The following KCNIP4 variants were observed in gnomAD, a reference collection of about 807,000 sequenced individuals.
KCNIP4 encodes potassium voltage-gated channel interacting protein 4.
In KCNIP4, 12 loss-of-function variants were observed where a neutral mutation model predicts 34.0. The observed-to-expected ratio is 0.35, with a 90% CI of 0.23 to 0.57. The LOEUF (loss-of-function observed/expected upper bound fraction) is 0.57. Among genes scored for constraint, KCNIP4 ranks in the 20% least tolerant of loss-of-function variants. KCNIP4 has a pLI of 0.83. For missense variants in KCNIP4, 238 were observed against 311.7 expected, an observed-to-expected ratio of 0.76 and a Z score of 1.78; for synonymous variants, 124 against 102.2, an observed-to-expected ratio of 1.21 and a Z score of -1.29.
At chr4:20,796,914 AAAC>A (rs1253944212) in intron 3 of KCNIP4, among the ~76,000 whole-genome samples, 9 of 152,234 alleles carry the variant, frequency 5.9e-5, no homozygotes, top group African/African-American at 2.2e-4. Context: ...ATTCTAAAAT[AAAC>A]AACAGTTACT....
chr4:21,244,109 T>C (rs1333915073), intron 1 of KCNIP4, among the ~76,000 whole-genome samples: 1 of 152,222 alleles, frequency 6.6e-6, no homozygotes, highest in African/African-American at 2.4e-5. Context: ...ATTTTTACTA[T>C]CATTCATTTT....
intron 1 of KCNIP4, among the ~76,000 whole-genome samples, chr4:21,341,329 T>C (rs914885936): frequency 1.3e-5 from 2 of 152,124 alleles, no homozygotes; most frequent in Non-Finnish European, 2.9e-5. Flanking sequence ...TGGTTCTAAA[T>C]GACAAATTGA....
At chr4:21,528,168 C>A (rs1436036732) in intron 1 of KCNIP4, among the ~76,000 whole-genome samples, 1 of 152,092 alleles carries the variant, frequency 6.6e-6, no homozygotes, top group African/African-American at 2.4e-5. Flanking sequence ...GATTCCAGAT[C>A]GATGCTTTTT....
intron 1 of KCNIP4, among the ~76,000 whole-genome samples, chr4:21,479,947 T>C (rs938111455): frequency 4.0e-5 from 6 of 151,614 alleles, no homozygotes; most frequent in Non-Finnish European, 2.9e-5. Flanking sequence ...CCAAGATAAA[T>C]AATATTAGGA....
At chr4:21,463,076 T>C (rs1729613065) in intron 1 of KCNIP4, among the ~76,000 whole-genome samples, 1 of 152,036 alleles carries the variant, frequency 6.6e-6, no homozygotes, top group Admixed American at 6.6e-5. Context: ...GTTTTAATTT[T>C]TTGAGAAATC....
At chr4:21,267,944 C>T (rs1379897903) in intron 1 of KCNIP4, among the ~76,000 whole-genome samples, 1 of 151,608 alleles carries the variant, frequency 6.6e-6, no homozygotes, top group African/African-American at 2.4e-5. Context: ...CTCCTTGTAC[C>T]TCTGGTAGAA....
intron 1 of KCNIP4, among the ~76,000 whole-genome samples, chr4:21,463,609 G>A (rs901038481): frequency 1.7e-4 from 26 of 151,894 alleles, no homozygotes; most frequent in Non-Finnish European, 3.5e-4. Context: ...GCCAGTGTTT[G>A]CTAGTATTTT....
intron 1 of KCNIP4, among the ~76,000 whole-genome samples, chr4:21,752,443 C>T (rs1717213134): frequency 6.6e-6 from 1 of 152,000 alleles, no homozygotes; most frequent in Non-Finnish European, 1.5e-5. Context: ...CACTTCACTA[C>T]CAGGAGAACA....
chr4:21,421,903 A>T (rs1208538163), intron 1 of KCNIP4, among the ~76,000 whole-genome samples: 1 of 152,122 alleles, frequency 6.6e-6, no homozygotes, highest in Non-Finnish European at 1.5e-5. Flanking sequence ...ACCTACTGAA[A>T]CTGTCATTTC....
intron 1 of KCNIP4, among the ~76,000 whole-genome samples, chr4:21,264,392 C>T (rs775752828): frequency 3.3e-5 from 5 of 152,088 alleles, no homozygotes; most frequent in African/African-American, 4.8e-5. Context: ...AGAAAGGGTC[C>T]TTACAACACT....
intron 1 of KCNIP4, among the ~76,000 whole-genome samples, chr4:21,185,746 T>C (rs370931742): frequency 1.3e-5 from 2 of 152,228 alleles, no homozygotes; most frequent in East Asian, 3.8e-4. Context: ...CAGTTCATTT[T>C]CTTTATTTGA....
chr4:21,688,683 A>G (rs1751001946), intron 1 of KCNIP4, among the ~76,000 whole-genome samples: 1 of 152,128 alleles, frequency 6.6e-6, no homozygotes, highest in Non-Finnish European at 1.5e-5. Context: ...AAAGCCATGG[A>G]AATTTGCTCC....
chr4:21,387,798 A>C (rs1157174553), intron 1 of KCNIP4, among the ~76,000 whole-genome samples: 1 of 152,188 alleles, frequency 6.6e-6, no homozygotes, highest in Non-Finnish European at 1.5e-5. Flanking sequence ...AATAATGTCT[A>C]TCAAAGGCAT....
intron 1 of KCNIP4, among the ~76,000 whole-genome samples, chr4:21,797,552 G>C (rs1042129326): frequency 6.6e-6 from 1 of 151,892 alleles, no homozygotes; most frequent in African/African-American, 2.4e-5. Flanking sequence ...CTTATAAAAA[G>C]GTCTCAATTT....
chr4:21,081,118 T>C (rs1745968060), intron 1 of KCNIP4, among the ~76,000 whole-genome samples: 1 of 151,794 alleles, frequency 6.6e-6, no homozygotes, highest in Non-Finnish European at 1.5e-5. Context: ...AGAGGCATGA[T>C]ATACTGTGGG....
intron 1 of KCNIP4, among the ~76,000 whole-genome samples, chr4:21,821,476 C>T (rs12501059): frequency 0.37 from 55,695 of 151,972 alleles, 11,658 homozygotes; most frequent in East Asian, 0.65. Flanking sequence ...AAATGTTACC[C>T]GCAGTTGAAA....
At position 21,134,864 on chromosome 4, in the gene KCNIP4, C is replaced by T. The variant is rs140666175; in HGVS notation, c.62-252155G>A. ...GAGCTCCATGATGCATAGCCTTCGGCCATAAACACAGCTAGGAAATGAGGG... is the reference window on the plus strand; with the variant it reads ...GAGCTCCATGATGCATAGCCTTCGGTCATAAACACAGCTAGGAAATGAGGG... On this transcript the variant is annotated intron_variant, in intron 1 of 8. Coordinates refer to ENST00000382152, the MANE Select transcript of KCNIP4 (RefSeq NM_025221.6). Among the ~76,000 whole-genome samples, 311 of 152,304 alleles carry T rather than the reference C, an allele frequency of 2.0e-3. 3 individuals are homozygous for T. Among genetic ancestry groups the T allele is most frequent in the African/African-American group, 6.8e-3 (284 of 41,566 alleles).
intron 1 of KCNIP4, among the ~76,000 whole-genome samples, chr4:21,030,586 T>C (rs148164543): frequency 1.3e-5 from 2 of 152,294 alleles, no homozygotes; most frequent in African/African-American, 4.8e-5. Flanking sequence ...TAACAAACTG[T>C]TTCTTACTTT....
intron 1 of KCNIP4, among the ~76,000 whole-genome samples, chr4:21,095,680 A>G (rs1305945700): frequency 6.6e-6 from 1 of 152,190 alleles, no homozygotes; most frequent in South Asian, 2.1e-4. Flanking sequence ...TTTCTCTAAA[A>G]TTAGAAAAAT....
Sources: gnomAD v4.1 joint callset for allele counts (sites outside exome capture counted in the v4.1 genomes callset) on GRCh38, gnomAD v4.1.1 for gene constraint, MANE v1.5 for transcripts, NCBI Gene and HGNC (gene_info 2026-07-23, HGNC 2026-07-21) for gene names.